The following CLVS1 variants were observed in gnomAD, a reference collection of about 807,000 sequenced individuals.
The protein encoded by CLVS1 is clavesin-1.
Under a neutral mutation model 33.1 loss-of-function variants are expected in CLVS1, and 10 were observed. The observed-to-expected ratio is 0.30, with a 90% confidence interval of 0.19 to 0.51. The LOEUF is 0.51. CLVS1 is among the 20% of genes least tolerant of loss of function. The pLI, the probability that CLVS1 is intolerant of heterozygous loss-of-function variation, is 0.97. For synonymous variants in CLVS1, 163 were observed against 166.1 expected (o/e 0.98, Z 0.14); for missense variants, 343 against 433.4 (o/e 0.79, Z 1.85).
the CLVS1 span, among the ~76,000 whole-genome samples, chr8:61,049,754 C>T: frequency 1.3e-5 from 2 of 152,198 alleles, no homozygotes; most frequent in East Asian, 3.8e-4. Flanking sequence ...AATTATAGAT[C>T]CTTTGGTTTT....
chr8:61,159,162 C>A (rs1806707378), intron 2 of CLVS1, among the ~76,000 whole-genome samples: 1 of 152,192 alleles, frequency 6.6e-6, no homozygotes, highest in Non-Finnish European at 1.5e-5. Context: ...CAGCGATGAG[C>A]CATGCAATGG....
the CLVS1 span, among the ~76,000 whole-genome samples, chr8:61,009,213 T>G: frequency 6.6e-6 from 1 of 152,086 alleles, no homozygotes; most frequent in Non-Finnish European, 1.5e-5. Context: ...TTCTGTTGTA[T>G]AGCCTGGAAT....
chr8:61,458,565 C>A lies in CLVS1; in HGVS notation c.977+23C>A, dbSNP rs747902837. The A allele has an allele frequency of 1.7e-5, 23 of 1,351,300 alleles. No individual in the cohort carries two copies. The East Asian group carries it at 2.0e-4, about 12-fold the overall frequency. The allele number at this position is 1,351,300 out of a possible 1,614,324, so 83.7% of individuals were successfully genotyped here. The stretch of plus-strand genomic sequence containing the variant: ...AAGGTAAGGCCTGGGTTATCAGAGC[C>A]CCCCCCCCAGTCAGAGGTCAATGGA... On this transcript the variant is annotated intron_variant, in intron 5 of 5. Transcript: ENST00000325897.
At chr8:61,407,305 T>C (rs148540397) in intron 3 of CLVS1, among the ~76,000 whole-genome samples, 35 of 152,346 alleles carry the variant, frequency 2.3e-4, no homozygotes, top group Middle Eastern at 3.4e-3. Context: ...GAAGAGGACA[T>C]GTGTTCAAGA....
intron 1 of CLVS1, among the ~76,000 whole-genome samples, chr8:61,082,140 A>T (rs1452315771): frequency 9.0e-6 from 1 of 111,380 alleles, no homozygotes; most frequent in Non-Finnish European, 1.7e-5. Context: ...AATACTAGCA[A>T]TAAAAAAAAA....
chr8:61,351,112 C>A (rs1474318062), intron 2 of CLVS1, among the ~76,000 whole-genome samples: 2 of 151,958 alleles, frequency 1.3e-5, no homozygotes, highest in Non-Finnish European at 2.9e-5. Flanking sequence ...AAAGATCCCA[C>A]ATAGTAGGAG....
chr8:61,137,424 G>GT (rs1386594596), intron 2 of CLVS1, among the ~76,000 whole-genome samples: 3 of 152,178 alleles, frequency 2.0e-5, no homozygotes, highest in Non-Finnish European at 4.4e-5. Flanking sequence ...CTGAGCACCT[G>GT]TTTTTCCATT....
intron 3 of CLVS1, among the ~76,000 whole-genome samples, chr8:61,422,947 CG>C (rs139173061): frequency 0.014 from 2,155 of 152,240 alleles, 56 homozygotes; most frequent in African/African-American, 0.05. Context: ...GACTGTGCTC[CG>C]GGTGGGAAAT....
intron 3 of CLVS1, among the ~76,000 whole-genome samples, chr8:61,429,130 G>T (rs1481765081): frequency 6.6e-6 from 1 of 152,106 alleles, no homozygotes; most frequent in Non-Finnish European, 1.5e-5. Flanking sequence ...GGGCAAAAAA[G>T]CCTGCCTGCA....
rs574269073 is a variant in CLVS1 at position 61,495,002 on chromosome 8, C to A, written c.978-4453C>A. On this transcript the variant is annotated intron_variant, in intron 5 of 5. Transcript: ENST00000325897. ...TCACTATCTCAGAGTTGTCTTATTGCTACTCACCATTCAACCATGGCACAC... is the reference window on the plus strand; with the variant it reads ...TCACTATCTCAGAGTTGTCTTATTGATACTCACCATTCAACCATGGCACAC... Among the ~76,000 whole-genome samples, 26 of 152,250 alleles carry A rather than the reference C, an allele frequency of 1.7e-4. No homozygotes were observed. In the South Asian group the frequency reaches 5.4e-3, roughly 32 times the overall value.
rs10106348 is a variant in CLVS1 at position 61,120,628 on chromosome 8, T to G, written c.-242-11142T>G. ...CAGCTGCAGGTCTGTTGGAATACCCTGCCGTGTGAGGTGTCAGTCTGCCCC... is the reference window on the plus strand; with the variant it reads ...CAGCTGCAGGTCTGTTGGAATACCCGGCCGTGTGAGGTGTCAGTCTGCCCC... On this transcript the variant is annotated intron_variant, in intron 1 of 2. Coordinates refer to the CLVS1 transcript ENST00000522621. Among the ~76,000 whole-genome samples the G allele has an allele frequency of 1.3e-4, 17 of 126,720 alleles. 1 individual carries two copies. The highest frequency in any genetic ancestry group is 7.1e-4 in the East Asian group (3 of 4,254). The allele number at this position is 126,720 out of a possible 152,430, so 83.1% of individuals were successfully genotyped here. A position where few individuals can be genotyped will look rare whatever the true frequency, so the allele number is the denominator to read the frequency against.
chr8:61,126,578 A>G (rs760916090), intron 1 of CLVS1, among the ~76,000 whole-genome samples: 1 of 152,250 alleles, frequency 6.6e-6, no homozygotes, highest in Non-Finnish European at 1.5e-5. Flanking sequence ...GTAAAATAAT[A>G]AGGCAAGTTA....
At chr8:61,391,561 T>G (rs1814305717) in intron 3 of CLVS1, among the ~76,000 whole-genome samples, 1 of 152,184 alleles carries the variant, frequency 6.6e-6, no homozygotes. Flanking sequence ...AATAATAGAC[T>G]GGATTTTAGT....
intron 2 of CLVS1, among the ~76,000 whole-genome samples, chr8:61,244,194 T>A (rs936104630): frequency 6.6e-6 from 1 of 152,032 alleles, no homozygotes; most frequent in Non-Finnish European, 1.5e-5. Flanking sequence ...ATTTTTTTTT[T>A]AATCCTTTAG....
chr8:61,432,565 C>G (rs1199983407), intron 3 of CLVS1, among the ~76,000 whole-genome samples: 1 of 152,206 alleles, frequency 6.6e-6, no homozygotes, highest in African/African-American at 2.4e-5. Context: ...TCGGAAGAAA[C>G]TGGCCCTGCC....
chr8:61,345,967 T>C (rs1258272199), intron 2 of CLVS1, among the ~76,000 whole-genome samples: 2 of 152,118 alleles, frequency 1.3e-5, no homozygotes, highest in African/African-American at 4.8e-5. Flanking sequence ...CAAACCTATA[T>C]GTGATTTTTA....
At chr8:61,040,914 T>C in the CLVS1 span, among the ~76,000 whole-genome samples, 1 of 152,166 alleles carries the variant, frequency 6.6e-6, no homozygotes, top group African/African-American at 2.4e-5. Context: ...CAAAGCTGAC[T>C]TCCAGAATGG....
intron 1 of CLVS1, among the ~76,000 whole-genome samples, chr8:61,124,652 T>C (rs1245664395): frequency 3.3e-5 from 5 of 152,232 alleles, no homozygotes; most frequent in African/African-American, 1.2e-4. Flanking sequence ...AAGTCACTTA[T>C]GGCTGATGAG....
intron 2 of CLVS1, among the ~76,000 whole-genome samples, chr8:61,362,781 C>T (rs1283550120): frequency 1.3e-5 from 2 of 152,178 alleles, no homozygotes; most frequent in African/African-American, 4.8e-5. Flanking sequence ...GAACCAGCCT[C>T]CATCTTAATT....
Sources: allele counts gnomAD v4.1 joint callset (sites outside exome capture counted in the v4.1 genomes callset), GRCh38; gene constraint gnomAD v4.1.1; transcripts MANE v1.5; gene names NCBI Gene and HGNC (gene_info 2026-07-23, HGNC 2026-07-21).